TSEN54: variants seen among roughly 807,000 people sequenced by gnomAD.
The protein encoded by TSEN54 is tRNA splicing endonuclease subunit 54, also known as tRNA-splicing endonuclease subunit Sen54.
TSEN54 carries 55 observed loss-of-function variants against 61.9 expected under a neutral mutation model. That is an observed-to-expected ratio of 0.89 (90% CI 0.72 to 1.11). TSEN54 has a LOEUF of 1.11. Among genes scored for constraint, TSEN54 ranks in the 50% most tolerant of loss-of-function variants. The pLI is 0.00. For synonymous variants in TSEN54, 304 were observed against 288.7 expected, an observed-to-expected ratio of 1.05 and a Z score of -0.54; for missense variants, 760 against 687.7, an observed-to-expected ratio of 1.11 and a Z score of -1.18.
Position 75,521,769 on chromosome 17 carries a change from A to G in TSEN54, c.688A>G (p.Ser230Gly), listed in dbSNP as rs1187189879. The change falls in exon 8 of 11, where the codon AGC (serine) becomes GGC (glycine). Residue 230 changes from serine to glycine, a missense_variant. By Grantham distance (56) the Ser-to-Gly change is moderately conservative (BLOSUM62 0). Around this residue, in one of 3 missense-constraint regions of TSEN54, gnomAD observed 667 missense variants for 577.8 expected, o/e 1.15. Coordinates refer to ENST00000333213, the MANE Select transcript of TSEN54 (RefSeq NM_207346.3). ...SLQPKSLAAS[S>G]PPPCSQPSQC... Reference sequence around the variant, plus strand: ...GCAACCCAAGAGTCTGGCAGCCTCCAGCCCACCTCCCTGCAGCCAGCCCAG... The same window carrying G: ...GCAACCCAAGAGTCTGGCAGCCTCCGGCCCACCTCCCTGCAGCCAGCCCAG... 1.2e-6 allele frequency: 2 copies of G among 1,612,908 alleles called. No homozygotes were observed. Among genetic ancestry groups the G allele is most frequent in the Admixed American group, 3.3e-5 (2 of 60,020 alleles).
At chr17:75,517,298 C>T (rs1405681054) in intron 4 of TSEN54, 54 bp downstream of exon 4, 20 of 1,542,052 alleles carry the variant, frequency 1.3e-5, no homozygotes, top group Admixed American at 1.9e-5. Context: ...ACGGGAAGGA[C>T]ACGTTTTATC....
At chr17:75,523,219 G>A (rs1192726807) in intron 8 of TSEN54, 56 bp from the exon 9 acceptor site, 1 of 1,612,606 alleles carries the variant, frequency 6.2e-7, no homozygotes, top group Non-Finnish European at 8.5e-7. Context: ...AAACTAGATG[G>A]CAGACTGAGA....
rs976917132 is a variant in TSEN54, at chr17:75,517,012, C to T, written c.225C>T (p.Gly75=). The change falls in exon 3 of 11, where the codon GGC becomes GGT. Residue 75 remains glycine (G), a synonymous_variant. Transcript: ENST00000333213. ...LLAEQRVERL[G]SLVAAEWRPE... is the part of the protein sequence containing the mutation. ...ACCCCTCCCCACTCCTCGCCAGGGG[C>T]AGCTTGGTGGCTGCCGAGTGGAGGC... The T allele has an allele frequency of 3.2e-6, 5 of 1,585,648 alleles. No individual in the cohort carries two copies. The African/African-American group carries it at 6.7e-5, about 21-fold the overall frequency.
chr17:75,516,999 T>C lies in TSEN54; in HGVS notation c.222-10T>C. The C allele has an allele frequency of 2.5e-6, 4 of 1,576,178 alleles. No homozygotes were observed. Among genetic ancestry groups the C allele is most frequent in the Non-Finnish European group, 2.6e-6 (3 of 1,161,546 alleles). On this transcript the variant is annotated splice_polypyrimidine_tract_variant and intron_variant, in intron 2 of 10. Coordinates refer to ENST00000333213, the MANE Select transcript of TSEN54 (RefSeq NM_207346.3). The stretch of plus-strand genomic sequence containing the variant: ...TGGACTGACGCAGACCCCTCCCCAC[T>C]CCTCGCCAGGGGCAGCTTGGTGGCT...
chr17:75,517,057 G>A lies in TSEN54; in HGVS notation c.270G>A (p.Glu90=). The A allele has an allele frequency of 6.3e-7, 1 of 1,597,258 alleles. No individual in the cohort carries two copies. The highest frequency in any genetic ancestry group is 8.5e-7 in the Non-Finnish European group (1 of 1,172,704). ...AEWRPEEGFV[E]LKSPAGKFWQ... is the part of the protein sequence containing the mutation. ...GGAGGCCAGAAGAGGGCTTCGTGGAGTTGAAGTCTCCCGCGGTGAGCGGCG... is the reference window on the plus strand; with the variant it reads ...GGAGGCCAGAAGAGGGCTTCGTGGAATTGAAGTCTCCCGCGGTGAGCGGCG... Residue 90 remains glutamate, a synonymous_variant, in exon 3 of 11, where the codon GAG becomes GAA. Transcript: ENST00000333213.
rs1322703915 is a variant in TSEN54 at position 75,516,844 on chromosome 17, C to G, written c.155C>G (p.Ala52Gly). The G allele has an allele frequency of 1.9e-6, 3 of 1,583,254 alleles. No individual in the cohort carries two copies. In the Admixed American group the frequency reaches 5.1e-5, roughly 27 times the overall value. ...CTGCCCGACGGCTCGGCAGCTCAGGCCGAGCGGCTGCGCCGGTGCCGGGAA... is the reference window on the plus strand; with the variant it reads ...CTGCCCGACGGCTCGGCAGCTCAGGGCGAGCGGCTGCGCCGGTGCCGGGAA... ...DFLPDGSAAQ[A>G]ERLRRCREEL... Residue 52 changes from alanine to glycine, a missense_variant, in exon 2 of 11, where the codon GCC becomes GGC. Coordinates refer to ENST00000333213, the MANE Select transcript of TSEN54 (RefSeq NM_207346.3).
chr17:75,524,628 AT>A lies in TSEN54; in HGVS notation c.*220del. The A allele has an allele frequency of 2.9e-6, 2 of 678,020 alleles. No homozygotes were observed. The highest frequency in any genetic ancestry group is 2.8e-5 in the East Asian group (1 of 35,982). The allele number at this position is 678,020 out of a possible 1,614,324, so 42.0% of individuals were successfully genotyped here. On this transcript the variant is annotated 3_prime_UTR_variant, in exon 11 of 11. Transcript: ENST00000333213. ...TGACCCCTCTGGAACTCAGGACTCG[AT>A]TTTAAGGACCCAGGAGGTGGGGCAG...
intron 8 of TSEN54, chr17:75,522,809 TTGATTTGACTTTCAGTA>T (rs2053442540): frequency 3.8e-6 from 1 of 265,750 alleles, no homozygotes; most frequent in South Asian, 4.5e-5. Context: ...CCAGATCAGT[TTGATTTGACTTTCAGTA>T]TAATTTTTCA....
At chr17:75,518,080 G>T (rs1355423155) in intron 5 of TSEN54, among the ~76,000 whole-genome samples, 1 of 152,192 alleles carries the variant, frequency 6.6e-6, no homozygotes, top group South Asian at 2.1e-4. Flanking sequence ...GTGGATGAAG[G>T]TGCTGTCATT....
chr17:75,518,053 G>C, intron 5 of TSEN54, among the ~76,000 whole-genome samples: 1 of 152,190 alleles, frequency 6.6e-6, no homozygotes, highest in Non-Finnish European at 1.5e-5. Context: ...TACCGCCCAT[G>C]ATTTGGGCAT....
At position 75,521,944 on chromosome 17, in the gene TSEN54, T is replaced by TCACGGGAGCCGGTAAG; in HGVS notation, c.865_880dup (p.Arg294HisfsTer5). On this transcript the variant is annotated frameshift_variant, in exon 8 of 11. Coordinates refer to ENST00000333213, the MANE Select transcript of TSEN54 (RefSeq NM_207346.3). LOFTEE classifies it high-confidence loss of function. ...GAGAGTGGCAGAGCCGAGAACGGAG[T>TCACGGGAGCCGGTAAG]CACGGGAGCCGGTAAGCGGCGCTGG... is the stretch of plus-strand genomic sequence containing the variant. The TCACGGGAGCCGGTAAG allele has an allele frequency of 6.2e-7, 1 of 1,608,990 alleles. No homozygotes were observed. Among genetic ancestry groups the TCACGGGAGCCGGTAAG allele is most frequent in the Non-Finnish European group, 8.5e-7 (1 of 1,178,844 alleles).
chr17:75,520,415 CAAAAAAA>C (rs917844314), intron 6 of TSEN54, among the ~76,000 whole-genome samples: 353 of 91,766 alleles, frequency 3.8e-3, no homozygotes, highest in African/African-American at 0.014. Flanking sequence ...ACTAAAATAC[CAAAAAAA>C]AAAAAAAAAA....
Position 75,522,095 on chromosome 17 carries a change from C to T in TSEN54, c.1014C>T (p.Cys338=). 1 of 1,584,220 alleles carries T rather than the reference C, an allele frequency of 6.3e-7. No homozygotes were observed. Among genetic ancestry groups the T allele is most frequent in the Admixed American group, 1.8e-5 (1 of 56,430 alleles). ...GGGAGACAGACGCTGAGTCCTGGTGCCAGAAGCTGAACCAGCGCAAGGAGA... is the reference window on the plus strand; with the variant it reads ...GGGAGACAGACGCTGAGTCCTGGTGTCAGAAGCTGAACCAGCGCAAGGAGA... The part of the protein sequence containing the change: ...AGRETDAESW[C]QKLNQRKEKL... Residue 338 remains cysteine (C), a synonymous_variant, in exon 8 of 11, where the codon TGC becomes TGT. Coordinates refer to ENST00000333213, the MANE Select transcript of TSEN54 (RefSeq NM_207346.3).
chr17:75,516,805 G>GC lies in TSEN54; in HGVS notation c.120dup (p.Lys41GlnfsTer141). The GC allele has an allele frequency of 3.1e-6, 5 of 1,592,410 alleles. No individual in the cohort carries two copies. Among genetic ancestry groups the GC allele is most frequent in the Non-Finnish European group, 4.2e-6 (5 of 1,176,492 alleles). On this transcript the variant is annotated frameshift_variant, in exon 2 of 11. Transcript: ENST00000333213. LOFTEE classifies it high-confidence loss of function. Reference sequence around the variant, plus strand: ...CAGAAGCTGCCCCAGCGCTCGCATGGCCCCAAGGACTTTCTGCCCGACGGC... The same window carrying GC: ...CAGAAGCTGCCCCAGCGCTCGCATGGCCCCCAAGGACTTTCTGCCCGACGGC...
In TSEN54 at chr17:75,522,279, C is replaced by G; in HGVS notation, c.1198C>G (p.Leu400Val). 1 of 1,546,642 alleles carries G rather than the reference C, an allele frequency of 6.5e-7. No homozygotes were observed. Among genetic ancestry groups the G allele is most frequent in the Non-Finnish European group, 8.7e-7 (1 of 1,146,618 alleles). ...GAGGAGCCAGCGCCGGGCCCCTCAC[C>G]TGTGGGGCCAGCCCGTCACCCCGCT... ...VQRSQRRAPH[L>V]WGQPVTPLLS... The change falls in exon 8 of 11, where the codon CTG (leucine) becomes GTG (valine). Residue 400 changes from leucine to valine, a missense_variant. By Grantham distance (32) the Leu-to-Val change is conservative. Around this residue, in one of 3 missense-constraint regions of TSEN54, gnomAD observed 667 missense variants for 577.8 expected, o/e 1.15. Transcript: ENST00000333213.
chr17:75,522,481 C>A (rs532940084), intron 8 of TSEN54, 148 bp downstream of exon 8: 1 of 1,500,516 alleles, frequency 6.7e-7, no homozygotes, highest in Non-Finnish European at 8.9e-7. Context: ...GTCAGTTCTC[C>A]GGCGGCTGCA....
At position 75,516,907 on chromosome 17, in the gene TSEN54, G is replaced by C. The variant is rs1337339821; in HGVS notation, c.218G>C (p.Arg73Pro). ...CTGCTGGCAGAGCAGCGCGTGGAGC[G>C]CCTGTGAGAGGGGCGGGCCCAGGGG... ...WQLLAEQRVE[R>P]LGSLVAAEWR... The change falls in exon 2 of 11, where the codon CGC becomes CCC. Residue 73 changes from arginine to proline, a missense_variant. Around this residue, in one of 3 missense-constraint regions of TSEN54, gnomAD observed 667 missense variants for 577.8 expected, o/e 1.15. Coordinates refer to ENST00000333213, the MANE Select transcript of TSEN54 (RefSeq NM_207346.3). The C allele has an allele frequency of 1.9e-6, 3 of 1,544,146 alleles. No homozygotes were observed. Among genetic ancestry groups the C allele is most frequent in the Admixed American group, 3.9e-5 (2 of 51,686 alleles).
intron 8 of TSEN54, 51 bp from the exon 9 acceptor site, chr17:75,523,224 C>T (rs769340246): frequency 1.1e-5 from 17 of 1,613,430 alleles, no homozygotes; most frequent in East Asian, 6.7e-5. Context: ...AGATGGCAGA[C>T]TGAGAAATGT....
intron 9 of TSEN54, 130 bp downstream of exon 9, chr17:75,523,465 G>C (rs922934299): frequency 5.6e-6 from 9 of 1,599,702 alleles, no homozygotes; most frequent in Non-Finnish European, 7.7e-6. Flanking sequence ...GCCTAGCTCT[G>C]AGCAATAACT....
Sources: gnomAD v4.1 joint callset for allele counts (sites outside exome capture counted in the v4.1 genomes callset) on GRCh38, gnomAD v4.1.1 for gene constraint, gnomAD v4.1.1 regional missense constraint, MANE v1.5 for transcripts, NCBI Gene and HGNC (gene_info 2026-07-23, HGNC 2026-07-21) for gene names.